The following MICU3 variants were observed in gnomAD, a reference collection of about 807,000 sequenced individuals.
MICU3 encodes mitochondrial calcium uptake 3.
MICU3 carries 62 observed loss-of-function variants against 66.5 expected under a neutral mutation model. The observed-to-expected ratio is 0.93, with a 90% CI of 0.76 to 1.15. The LOEUF is 1.15. Ranked by LOEUF, MICU3 falls within the 50% of genes most tolerant of loss-of-function variation. The pLI is 0.00. For missense variants in MICU3, 779 were observed against 664.4 expected, an observed-to-expected ratio of 1.17 and a Z score of -1.90; for synonymous variants, 308 against 240.7, an observed-to-expected ratio of 1.28 and a Z score of -2.59.
At chr8:17,074,938 T>C (rs1820154366) in intron 3 of MICU3, among the ~76,000 whole-genome samples, 1 of 152,100 alleles carries the variant, frequency 6.6e-6, no homozygotes, top group African/African-American at 2.4e-5. Flanking sequence ...TTCAGATGCT[T>C]GTTGCAAGTT....
At chr8:17,073,793 AC>A (rs1302539253) in intron 3 of MICU3, among the ~76,000 whole-genome samples, 1 of 152,112 alleles carries the variant, frequency 6.6e-6, no homozygotes, top group Non-Finnish European at 1.5e-5. Flanking sequence ...AAATAGAGAA[AC>A]CCAGGATAAA....
chr8:17,084,094 T>A (rs1202750515), intron 5 of MICU3, among the ~76,000 whole-genome samples: 1 of 152,102 alleles, frequency 6.6e-6, no homozygotes, highest in Non-Finnish European at 1.5e-5. Context: ...TTGTTTACAT[T>A]AGAACTAAGA....
At chr8:17,100,860 T>G (rs1436987408) in intron 9 of MICU3, among the ~76,000 whole-genome samples, 1 of 151,834 alleles carries the variant, frequency 6.6e-6, no homozygotes, top group Non-Finnish European at 1.5e-5. Flanking sequence ...GTGCAACTGT[T>G]GAATACAGTC....
chr8:17,066,231 A>G lies in MICU3; in HGVS notation c.535+1994A>G, dbSNP rs539319308. Among the ~76,000 whole-genome samples the G allele has an allele frequency of 2.6e-4, 40 of 152,064 alleles. 1 individual carries two copies. The South Asian group carries it at 7.9e-3, about 30-fold the overall frequency. On this transcript the variant is annotated intron_variant, in intron 2 of 14. Coordinates refer to ENST00000318063, the MANE Select transcript of MICU3 (RefSeq NM_181723.3). ...GACCATGTTGTACCAAATCAATTAAATAAAAATGTATGGAATATTTATATG... is the reference window on the plus strand; with the variant it reads ...GACCATGTTGTACCAAATCAATTAAGTAAAAATGTATGGAATATTTATATG...
intron 1 of MICU3, among the ~76,000 whole-genome samples, chr8:17,035,979 G>A (rs1052730542): frequency 5.3e-5 from 8 of 152,142 alleles, no homozygotes; most frequent in South Asian, 4.1e-4. Context: ...TTTATGGGCC[G>A]GGACTAGTAC....
intron 10 of MICU3, among the ~76,000 whole-genome samples, chr8:17,104,784 AG>A (rs1427200343): frequency 5.4e-5 from 2 of 36,778 alleles, no homozygotes; most frequent in Admixed American, 2.3e-4. Flanking sequence ...TCACGAGGTC[AG>A]GAGATCGAGA....
chr8:17,049,052 G>A (rs1220284560), intron 1 of MICU3, among the ~76,000 whole-genome samples: 20 of 152,270 alleles, frequency 1.3e-4, no homozygotes, highest in Admixed American at 5.9e-4. Flanking sequence ...TTCTTTGAAC[G>A]TCAGCCGTTT....
intron 1 of MICU3, among the ~76,000 whole-genome samples, chr8:17,035,183 A>T (rs1037218705): frequency 3.3e-5 from 5 of 152,164 alleles, no homozygotes; most frequent in African/African-American, 1.2e-4. Flanking sequence ...GCCTTGTGGA[A>T]CTGTGAGTCA....
chr8:17,039,525 G>A (rs1265632371), intron 1 of MICU3, among the ~76,000 whole-genome samples: 2 of 152,142 alleles, frequency 1.3e-5, no homozygotes, highest in Non-Finnish European at 2.9e-5. Flanking sequence ...CACATACAAT[G>A]ATTTGAGTAG....
At chr8:17,098,590 G>A (rs777268108) in intron 9 of MICU3, 37 bp downstream of exon 9, 1 of 1,321,148 alleles carries the variant, frequency 7.6e-7, no homozygotes, top group African/African-American at 1.5e-5. Flanking sequence ...TGTACTATTT[G>A]CCATCTTGTT....
At chr8:17,134,997 T>C in the MICU3 span, among the ~76,000 whole-genome samples, 3 of 152,254 alleles carry the variant, frequency 2.0e-5, no homozygotes, top group South Asian at 2.1e-4. Flanking sequence ...TTGAGTTCAG[T>C]TGTATATTCT....
At chr8:17,038,357 A>C (rs1364044469) in intron 1 of MICU3, among the ~76,000 whole-genome samples, 2 of 152,130 alleles carry the variant, frequency 1.3e-5, no homozygotes, top group African/African-American at 4.8e-5. Flanking sequence ...TGGTTTTATA[A>C]AGGAGAGTTC....
chr8:17,137,390 A>C, the MICU3 span, among the ~76,000 whole-genome samples: 1 of 151,958 alleles, frequency 6.6e-6, no homozygotes, highest in African/African-American at 2.4e-5. Flanking sequence ...AATTTTTTTA[A>C]ATTTTATTTA....
At chr8:17,043,778 G>C (rs896054479) in intron 1 of MICU3, among the ~76,000 whole-genome samples, 2 of 152,186 alleles carry the variant, frequency 1.3e-5, no homozygotes, top group Admixed American at 1.3e-4. Context: ...AGTCAAGTAA[G>C]AGTTTTGATT....
rs754650990 is a variant in MICU3, at chr8:17,116,487, TCAC to T, written c.1415_1417del (p.Pro472del). The T allele has an allele frequency of 2.6e-6, 4 of 1,546,400 alleles. No individual in the cohort carries two copies. Among genetic ancestry groups the T allele is most frequent in the South Asian group, 1.3e-5 (1 of 78,676 alleles). The stretch of plus-strand genomic sequence containing the variant: ...CTATGTAGCTACTGGACTCAAATTT[TCAC>T]CACATTTAGTGAACACTGTCTTCAA... On this transcript the variant is annotated inframe_deletion, in exon 13 of 15. Coordinates refer to ENST00000318063, the MANE Select transcript of MICU3 (RefSeq NM_181723.3).
chr8:17,094,651 A>C (rs1199281268), intron 8 of MICU3, among the ~76,000 whole-genome samples: 1 of 151,998 alleles, frequency 6.6e-6, no homozygotes, highest in Admixed American at 6.6e-5. Flanking sequence ...ATTTTAAAAA[A>C]AAAATGTCTA....
the MICU3 span, among the ~76,000 whole-genome samples, chr8:17,137,329 AC>A: frequency 6.6e-6 from 1 of 151,998 alleles, no homozygotes; most frequent in African/African-American, 2.4e-5. Context: ...TAAGCAGTAA[AC>A]ATCATACTAA....
At chr8:17,101,301 G>A (rs1731430805) in intron 9 of MICU3, among the ~76,000 whole-genome samples, 1 of 151,786 alleles carries the variant, frequency 6.6e-6, no homozygotes, top group Non-Finnish European at 1.5e-5. Flanking sequence ...CAGGGATAAA[G>A]TCTCTATTTT....
At chr8:17,117,561 A>C (rs1802802626) in intron 13 of MICU3, among the ~76,000 whole-genome samples, 1 of 151,926 alleles carries the variant, frequency 6.6e-6, no homozygotes, top group Admixed American at 6.6e-5. Context: ...ATTAAGAGCT[A>C]GAATATTCAA....
Sources: allele counts gnomAD v4.1 joint callset (sites outside exome capture counted in the v4.1 genomes callset), GRCh38; gene constraint gnomAD v4.1.1; transcripts MANE v1.5; gene names NCBI Gene and HGNC (gene_info 2026-07-23, HGNC 2026-07-21).